Variants in UGT2B17 observed in about 807,000 individuals in gnomAD.
UGT2B17 encodes the protein UDP glucuronosyltransferase family 2 member B17, also known as UDP-glucuronosyltransferase 2B17.
A neutral mutation model predicts 48.2 loss-of-function variants in UGT2B17; 21 were observed. That is an observed-to-expected ratio of 0.44 (90% confidence interval 0.31 to 0.63). UGT2B17 has a LOEUF of 0.63. Ranked by LOEUF, UGT2B17 falls within the 20% of genes least tolerant of loss-of-function variation. UGT2B17 has a pLI of 0.08. For missense variants in UGT2B17, 402 were observed against 696.1 expected (o/e 0.58, Z 4.75); for synonymous variants, 146 against 238.4 (o/e 0.61, Z 3.57).
chr4:68,542,228 T>C (rs1730673960), intron 6 of UGT2B17, among the ~76,000 whole-genome samples: 1 of 126,776 alleles, frequency 7.9e-6, no homozygotes, highest in Non-Finnish European at 1.7e-5. Flanking sequence ...CATTGGTCAA[T>C]ACATCTTTTT....
rs189554173 is a variant in UGT2B17 at position 68,562,000 on chromosome 4, T to C, written c.874-1332A>G. Among the ~76,000 whole-genome samples the C allele has an allele frequency of 4.0e-5, 5 of 125,618 alleles. 2 individuals carry two copies. Among genetic ancestry groups the C allele is most frequent in the Non-Finnish European group, 5.1e-5 (3 of 59,370 alleles). 82.4% of individuals were successfully genotyped at this position (125,618 alleles called of 152,430 possible). On this transcript the variant is annotated intron_variant, in intron 3 of 6. Coordinates refer to ENST00000317746, the MANE Select transcript of UGT2B17 (RefSeq NM_001077.4). ...CTAATCATTGGGGGAAATTTCTTTA[T>C]AAAACTGTTTACGAATAAAAAAGGA...
intron 1 of UGT2B17, among the ~76,000 whole-genome samples, chr4:68,569,243 G>A (rs144638778): frequency 7.8e-6 from 1 of 128,738 alleles, no homozygotes; most frequent in Non-Finnish European, 1.7e-5. Context: ...TGCAGGAAGC[G>A]TACTGCTCCT....
At chr4:68,547,554 C>G (rs1301232229) in intron 6 of UGT2B17, among the ~76,000 whole-genome samples, 2 of 124,806 alleles carry the variant, frequency 1.6e-5, no homozygotes, top group African/African-American at 2.7e-5. Flanking sequence ...GCAATGGCAA[C>G]AAAAGCCAAA....
rs183760357 is a variant in UGT2B17, at chr4:68,558,232, T to C, written c.1005+2305A>G. Among the ~76,000 whole-genome samples the C allele has an allele frequency of 8.5e-3, 1,059 of 124,488 alleles. 243 individuals carry two copies. The highest frequency in any genetic ancestry group is 0.012 in the Admixed American group (149 of 12,038). The allele number at this position is 124,488 out of a possible 152,430, so 81.7% of individuals were successfully genotyped here. A position where few individuals can be genotyped will look rare whatever the true frequency, so the allele number is the denominator to read the frequency against. On this transcript the variant is annotated intron_variant, in intron 4 of 6. Coordinates refer to ENST00000317746, the MANE Select transcript of UGT2B17 (RefSeq NM_001077.4). ...AAATTATGTTTCAAAAATAACAGTA[T>C]ACCTGTTGTTAGATTCTAGTCTTGC... is the stretch of plus-strand genomic sequence containing the variant.
intron 6 of UGT2B17, among the ~76,000 whole-genome samples, chr4:68,546,295 C>T (rs1290428124): frequency 1.6e-5 from 2 of 126,228 alleles, no homozygotes; most frequent in African/African-American, 5.4e-5. Flanking sequence ...GAATGTAATC[C>T]AGCACATAAA....
At position 68,570,095 on chromosome 4, in the gene UGT2B17, C is replaced by G. The variant is rs538672351; in HGVS notation, c.-64-1547G>C. On this transcript the variant is annotated intron_variant, in intron 1 of 6. Transcript: ENST00000317746. ...CATGTGTAGCAGGATGAGCCACAGA[C>G]AAAACTTCTCAGACACCAAGTTGTA... Among the ~76,000 whole-genome samples, 18 of 126,526 alleles carry G rather than the reference C, an allele frequency of 1.4e-4. 6 individuals carry two copies. In the South Asian group the frequency reaches 6.4e-3, roughly 45 times the overall value. 83.0% of individuals were successfully genotyped at this position (126,526 alleles called of 152,430 possible). A position where few individuals can be genotyped will look rare whatever the true frequency, so the allele number is the denominator to read the frequency against.
intron 1 of UGT2B17, among the ~76,000 whole-genome samples, chr4:68,573,742 C>T (rs1360526120): frequency 1.6e-5 from 2 of 126,472 alleles, no homozygotes; most frequent in Admixed American, 8.1e-5. Flanking sequence ...CACACATCTG[C>T]TCAGGGATGA....
At position 68,574,181 on chromosome 4, in the gene UGT2B17, C is replaced by T. The variant is rs758125682; in HGVS notation, c.-65+1770G>A. 2.4e-5 allele frequency among the ~76,000 whole-genome samples: 3 copies of T among 127,044 alleles called. 1 individual carries two copies. Among genetic ancestry groups the T allele is most frequent in the Non-Finnish European group, 5.0e-5 (3 of 59,772 alleles). The allele number at this position is 127,044 out of a possible 152,430, so 83.3% of individuals were successfully genotyped here. ...GCTAAAGTTTGTTTTAAGTCTTTAA[C>T]TTTTATGATCCTCTAGTAAAATGAA... On this transcript the variant is annotated intron_variant, in intron 1 of 6. Coordinates refer to ENST00000317746, the MANE Select transcript of UGT2B17 (RefSeq NM_001077.4).
chr4:68,575,689 C>T (rs1455065626), intron 1 of UGT2B17, among the ~76,000 whole-genome samples: 3 of 126,132 alleles, frequency 2.4e-5, no homozygotes, highest in Non-Finnish European at 5.0e-5. Flanking sequence ...GAAATCCAAG[C>T]CAGGTCAAAA....
chr4:68,546,596 A>G (rs2109762501), intron 6 of UGT2B17, among the ~76,000 whole-genome samples: 1 of 125,974 alleles, frequency 7.9e-6, no homozygotes, highest in African/African-American at 2.7e-5. Flanking sequence ...CAGGATAAGG[A>G]AATACAGGGT....
chr4:68,561,610 C>T (rs1196896248), intron 3 of UGT2B17, among the ~76,000 whole-genome samples: 7 of 122,044 alleles, frequency 5.7e-5, no homozygotes, highest in Non-Finnish European at 1.0e-4. Flanking sequence ...AGCCTTTCTC[C>T]AGTGGAGATC....
rs1731234555 is a variant in UGT2B17, at chr4:68,568,025, CG to C, written c.459del (p.Val154LeufsTer49). ...GCCAGCAGCTCACCACAGGGATTAACGGCATCTGCCAGAAGGACATCAAATT... is the reference window on the plus strand; with the variant it reads ...GCCAGCAGCTCACCACAGGGATTAACGCATCTGCCAGAAGGACATCAAATT... Reference protein sequence around the residue: ...ESKFDVLLADAVNPCGELLAE... With the variant: ...ESKFDVLLADXVNPCGELLAE... On this transcript the variant is annotated frameshift_variant, in exon 2 of 7. Transcript: ENST00000317746. LOFTEE classifies it high-confidence loss of function. 7.2e-7 allele frequency: 1 copy of C among 1,382,474 alleles called. No individual in the cohort carries two copies. The highest frequency in any genetic ancestry group is 9.5e-7 in the Non-Finnish European group (1 of 1,055,438). 85.6% of individuals were successfully genotyped at this position (1,382,474 alleles called of 1,614,324 possible). A position where few individuals can be genotyped will look rare whatever the true frequency, so the allele number is the denominator to read the frequency against.
intron 6 of UGT2B17, 57 bp from the exon 7 acceptor site, chr4:68,537,961 T>C: frequency 1.7e-6 from 2 of 1,192,916 alleles, no homozygotes; most frequent in Non-Finnish European, 2.2e-6. Context: ...CTTAAGCATA[T>C]CAAGTCTATG....
chr4:68,571,628 T>G (rs1731298518), intron 1 of UGT2B17, among the ~76,000 whole-genome samples: 1 of 126,012 alleles, frequency 7.9e-6, no homozygotes, highest in African/African-American at 2.7e-5. Context: ...TTTTAGAACC[T>G]AGAGATGATC....
At position 68,544,339 on chromosome 4, in the gene UGT2B17, A is replaced by G. The variant is rs1303847029; in HGVS notation, c.1313+6338T>C. On this transcript the variant is annotated intron_variant, in intron 6 of 6. Coordinates refer to ENST00000317746, the MANE Select transcript of UGT2B17 (RefSeq NM_001077.4). ...TTCATATCCAGCCAAACTAAGCTTCATAAGTGAAGGAGAAATAAAATAAAA... is the reference window on the plus strand; with the variant it reads ...TTCATATCCAGCCAAACTAAGCTTCGTAAGTGAAGGAGAAATAAAATAAAA... 1.6e-5 allele frequency among the ~76,000 whole-genome samples: 2 copies of G among 126,138 alleles called. 1 individual carries two copies. The highest frequency in any genetic ancestry group is 1.5e-3 in the East Asian group (2 of 1,328). 82.8% of individuals were successfully genotyped at this position (126,138 alleles called of 152,430 possible). A position where few individuals can be genotyped will look rare whatever the true frequency, so the allele number is the denominator to read the frequency against.
chr4:68,544,393 C>T (rs1351063870), intron 6 of UGT2B17, among the ~76,000 whole-genome samples: 2 of 125,490 alleles, frequency 1.6e-5, no homozygotes, highest in African/African-American at 5.4e-5. Context: ...CAAGCAAATG[C>T]TGAGAGATTT....
chr4:68,568,045 T>A lies in UGT2B17; in HGVS notation c.440A>T (p.Asp147Val), dbSNP rs143522336. 10,154 of 1,382,764 alleles carry A rather than the reference T, an allele frequency of 7.3e-3. 2,535 individuals are homozygous for A. Among genetic ancestry groups the A allele is most frequent in the Admixed American group, 0.01 (518 of 50,604 alleles). The allele number at this position is 1,382,764 out of a possible 1,614,324, so 85.7% of individuals were successfully genotyped here. ...LMRKLQESKFDVLLADAVNPC... is the reference protein window; with the variant it reads ...LMRKLQESKFVVLLADAVNPC... The stretch of plus-strand genomic sequence containing the variant: ...ATTAACGGCATCTGCCAGAAGGACA[T>A]CAAATTTTGACTCTTGTAGTTTTCT... The change falls in exon 2 of 7, where the codon GAT (aspartate) becomes GTT (valine). Residue 147 changes from aspartate (D) to valine (V), a missense_variant. Coordinates refer to ENST00000317746, the MANE Select transcript of UGT2B17 (RefSeq NM_001077.4).
intron 6 of UGT2B17, among the ~76,000 whole-genome samples, chr4:68,545,824 A>G (rs1730791780): frequency 7.9e-6 from 1 of 126,370 alleles, no homozygotes; most frequent in African/African-American, 2.7e-5. Flanking sequence ...GAAAATCAAG[A>G]AGAAATGGAT....
chr4:68,575,251 C>T (rs1578175134), intron 1 of UGT2B17, among the ~76,000 whole-genome samples: 2 of 55,360 alleles, frequency 3.6e-5, no homozygotes, highest in African/African-American at 7.6e-5. Context: ...CTGCTGTTCT[C>T]TTAACTATTG....
Sources: gnomAD v4.1 joint callset for allele counts (sites outside exome capture counted in the v4.1 genomes callset) on GRCh38, gnomAD v4.1.1 for gene constraint, MANE v1.5 for transcripts, NCBI Gene and HGNC (gene_info 2026-07-23, HGNC 2026-07-21) for gene names.